The following SEC11C variants were observed in gnomAD, a reference collection of about 807,000 sequenced individuals.
SEC11C encodes the protein SEC11 homolog C, signal peptidase complex subunit.
A neutral mutation model predicts 21.9 loss-of-function variants in SEC11C; 10 were observed. That is an observed-to-expected ratio of 0.46 (90% CI 0.28 to 0.77). The LOEUF (loss-of-function observed/expected upper bound fraction) is 0.77. Ranked by LOEUF, SEC11C falls within the 30% of genes least tolerant of loss-of-function variation. The pLI, the probability that SEC11C is intolerant of heterozygous loss-of-function variation, is 0.12. For synonymous variants in SEC11C, 83 were observed against 85.6 expected (o/e 0.97, Z 0.17); for missense variants, 145 against 244.5 (o/e 0.59, Z 2.71).
intron 2 of SEC11C, among the ~76,000 whole-genome samples, chr18:59,151,670 TTTTC>T (rs2069356441): frequency 6.6e-6 from 1 of 152,068 alleles, no homozygotes; most frequent in Non-Finnish European, 1.5e-5. Context: ...GGAGGCATGG[TTTTC>T]TTTGTTTCCA....
chr18:59,149,593 C>G lies in SEC11C; in HGVS notation c.168C>G (p.Gly56=), dbSNP rs540729502. ...GGAAAGGCTTGATCGTGCTCACAGG[C>G]AGTGAGAGCCCCATCGTGGTGGTGC... ...MIWKGLIVLT[G]SESPIVVVLS... The change falls in exon 2 of 6, where the codon GGC becomes GGG. Residue 56 remains glycine (G), a synonymous_variant. Transcript: ENST00000587834. 3.9e-5 allele frequency: 63 copies of G among 1,612,242 alleles called. No homozygotes were observed. In the African/African-American group the frequency reaches 6.3e-4, roughly 16 times the overall value.
At chr18:59,144,726 TAAAAAA>T (rs5825314) in intron 1 of SEC11C, among the ~76,000 whole-genome samples, 5,047 of 98,590 alleles carry the variant, frequency 0.051, 234 homozygotes, top group East Asian at 0.27. Context: ...CCTTGTATCT[TAAAAAA>T]AAAAAAAAAA....
At chr18:59,153,787 GC>G (rs1166303448) in intron 3 of SEC11C, among the ~76,000 whole-genome samples, 1 of 150,914 alleles carries the variant, frequency 6.6e-6, no homozygotes, top group Non-Finnish European at 1.5e-5. Context: ...GCTCACTGCA[GC>G]CTCCACCTCC....
At chr18:59,153,529 C>A (rs902523962) in intron 3 of SEC11C, among the ~76,000 whole-genome samples, 3 of 152,010 alleles carry the variant, frequency 2.0e-5, no homozygotes, top group Admixed American at 2.0e-4. Flanking sequence ...TTGTACATAT[C>A]TGGTATTAGA....
chr18:59,158,064 A>G (rs530850207), intron 5 of SEC11C, among the ~76,000 whole-genome samples: 1 of 152,158 alleles, frequency 6.6e-6, no homozygotes, highest in Non-Finnish European at 1.5e-5. Flanking sequence ...GTGTATATAT[A>G]TATATTTTTT....
At chr18:59,157,743 G>A (rs1404561331) in intron 5 of SEC11C, 78 bp downstream of exon 5, 2 of 1,003,918 alleles carry the variant, frequency 2.0e-6, no homozygotes, top group Non-Finnish European at 3.1e-6. Flanking sequence ...TAAACAGGCA[G>A]TCTTCTTAAA....
At chr18:59,140,191 A>G in intron 1 of SEC11C, 156 bp downstream of exon 1, 1 of 595,568 alleles carries the variant, frequency 1.7e-6, no homozygotes, top group Non-Finnish European at 2.9e-6. Context: ...TTCTACGCCT[A>G]CGTGTGGGCA....
chr18:59,153,523 A>C (rs2069383415), intron 3 of SEC11C, among the ~76,000 whole-genome samples: 1 of 152,010 alleles, frequency 6.6e-6, no homozygotes, highest in Non-Finnish European at 1.5e-5. Flanking sequence ...AACTACTTGT[A>C]CATATCTGGT....
intron 1 of SEC11C, among the ~76,000 whole-genome samples, chr18:59,144,097 G>A (rs969227119): frequency 1.3e-5 from 2 of 151,908 alleles, no homozygotes; most frequent in Non-Finnish European, 2.9e-5. Context: ...CAGGTTATCC[G>A]CCCACCTCGG....
chr18:59,154,462 A>G (rs1386328070), intron 3 of SEC11C, among the ~76,000 whole-genome samples: 1 of 152,122 alleles, frequency 6.6e-6, no homozygotes, highest in African/African-American at 2.4e-5. Context: ...ATAATACTAC[A>G]ATATTATGTT....
intron 2 of SEC11C, among the ~76,000 whole-genome samples, chr18:59,152,327 C>T (rs933701533): frequency 6.6e-6 from 1 of 152,052 alleles, no homozygotes; most frequent in Non-Finnish European, 1.5e-5. Flanking sequence ...TGCAGAGGGT[C>T]CTGTCAGTGC....
At chr18:59,155,936 T>C in intron 4 of SEC11C, 129 bp downstream of exon 4, 1 of 1,109,544 alleles carries the variant, frequency 9.0e-7, no homozygotes, top group South Asian at 1.4e-5. Context: ...GCAGTTCTAG[T>C]TTATCCTGTG....
chr18:59,158,124 C>T (rs577831693), intron 5 of SEC11C, among the ~76,000 whole-genome samples: 18 of 152,054 alleles, frequency 1.2e-4, no homozygotes, highest in South Asian at 2.1e-4. Flanking sequence ...GGCACAATTT[C>T]GGCTCACCAC....
At chr18:59,152,712 T>G (rs2069372182) in intron 3 of SEC11C, 27 bp downstream of exon 3, 1 of 1,559,592 alleles carries the variant, frequency 6.4e-7, no homozygotes, top group South Asian at 1.2e-5. Flanking sequence ...TCCTTTTGGT[T>G]TTGTTATGTA....
At chr18:59,140,180 G>A (rs2069193262) in intron 1 of SEC11C, 145 bp downstream of exon 1, 1 of 632,346 alleles carries the variant, frequency 1.6e-6, no homozygotes, top group Non-Finnish European at 2.7e-6. Flanking sequence ...CAGGCCCTGG[G>A]TTCTACGCCT....
rs1377837688 is a variant in SEC11C at position 59,141,677 on chromosome 18, TCTC to T, written c.87+1643_87+1645del. ...AAAAAGCTTTGTCTTTTTTTTTTTTTCTCTTCTTCCCTCCAAAATAGCATCTTA... is the reference window on the plus strand; with the variant it reads ...AAAAAGCTTTGTCTTTTTTTTTTTTTTTCTTCCCTCCAAAATAGCATCTTA... On this transcript the variant is annotated intron_variant, in intron 1 of 5. Transcript: ENST00000587834. Among the ~76,000 whole-genome samples, 25 of 151,788 alleles carry T rather than the reference TCTC, an allele frequency of 1.6e-4. No homozygotes were observed. In the East Asian group the frequency reaches 4.1e-3, roughly 25 times the overall value.
intron 1 of SEC11C, among the ~76,000 whole-genome samples, chr18:59,141,066 T>G (rs930115129): frequency 6.6e-6 from 1 of 152,184 alleles, no homozygotes; most frequent in Non-Finnish European, 1.5e-5. Context: ...GCATCCAGTT[T>G]CATTTGCTCC....
chr18:59,154,305 C>T (rs911907832), intron 3 of SEC11C, among the ~76,000 whole-genome samples: 7 of 152,136 alleles, frequency 4.6e-5, no homozygotes, highest in Admixed American at 6.5e-5. Flanking sequence ...ATTTTTATCC[C>T]GATTTCCTTT....
At chr18:59,155,431 C>T (rs2069408047) in intron 3 of SEC11C, among the ~76,000 whole-genome samples, 1 of 152,114 alleles carries the variant, frequency 6.6e-6, no homozygotes, top group Admixed American at 6.5e-5. Context: ...AATTGTTGCC[C>T]TTGTGCTTGG....
Sources: gnomAD v4.1 joint callset for allele counts (sites outside exome capture counted in the v4.1 genomes callset) on GRCh38, gnomAD v4.1.1 for gene constraint, MANE v1.5 for transcripts, NCBI Gene and HGNC (gene_info 2026-07-23, HGNC 2026-07-21) for gene names.